KRTDAP: variants seen among roughly 807,000 people sequenced by gnomAD.
KRTDAP encodes the protein keratinocyte differentiation associated protein.
A neutral mutation model predicts 18.6 loss-of-function variants in KRTDAP; 14 were observed. The observed-to-expected ratio is 0.75, with a 90% CI of 0.50 to 1.18. The LOEUF is 1.18. Ranked by LOEUF, KRTDAP falls within the 50% of genes most tolerant of loss-of-function variation. KRTDAP has a pLI of 0.00. For synonymous variants in KRTDAP, 53 were observed against 49.5 expected (o/e 1.07, Z -0.29); for missense variants, 114 against 121.3 (o/e 0.94, Z 0.28).
Position 35,487,458 on chromosome 19 carries a change from T to C in KRTDAP, c.270A>G (p.Gly90=), listed in dbSNP as rs752861711. The C allele has an allele frequency of 1.6e-5, 26 of 1,613,906 alleles. No individual in the cohort carries two copies. The South Asian group carries it at 2.9e-4, about 18-fold the overall frequency. Residue 90 remains glycine, a synonymous_variant, in exon 6 of 6, where the codon GGA becomes GGG. Transcript: ENST00000338897. The part of the protein sequence containing the change: ...LNWDAFPKLK[G]LRSATPDAQ Reference sequence around the variant, plus strand: ...GGGCATCAGGAGTTGCGCTCCTCAGTCCTTTCAGCTAGAGGGAGAGGGGTC... The same window carrying C: ...GGGCATCAGGAGTTGCGCTCCTCAGCCCTTTCAGCTAGAGGGAGAGGGGTC...
chr19:35,489,170 C>T (rs147049831), intron 1 of KRTDAP, among the ~76,000 whole-genome samples: 80 of 152,300 alleles, frequency 5.3e-4, no homozygotes, highest in African/African-American at 1.7e-3. Context: ...GAGACACCCA[C>T]GCTCAGTCCG....
At chr19:35,488,344 C>G in intron 4 of KRTDAP, 97 bp downstream of exon 4, 1 of 1,272,912 alleles carries the variant, frequency 7.9e-7, no homozygotes, top group Admixed American at 2.0e-5. Context: ...TCCCAGAGAT[C>G]AGGAACCAAC....
chr19:35,488,587 A>C (rs1302528391), intron 3 of KRTDAP, 75 bp downstream of exon 3: 12 of 1,609,540 alleles, frequency 7.5e-6, no homozygotes, highest in African/African-American at 1.3e-5. Context: ...GCAGCTTTGC[A>C]AGCTCTCTAC....
At chr19:35,488,569 G>T in intron 3 of KRTDAP, 84 bp from the exon 4 acceptor site, 1 of 1,607,278 alleles carries the variant, frequency 6.2e-7, no homozygotes, top group African/African-American at 1.3e-5. Flanking sequence ...GAAGGTGAAG[G>T]AACCGTGGCA....
chr19:35,487,625 T>C (rs2067498358), intron 5 of KRTDAP, 87 bp downstream of exon 5: 1 of 1,277,960 alleles, frequency 7.8e-7, no homozygotes, highest in Middle Eastern at 1.9e-4. Flanking sequence ...CTGATCCTCC[T>C]TTCCCTGTCC....
intron 1 of KRTDAP, among the ~76,000 whole-genome samples, chr19:35,489,987 G>A (rs181967016): frequency 5.9e-5 from 9 of 152,082 alleles, no homozygotes; most frequent in African/African-American, 7.2e-5. Context: ...TCACATTGCC[G>A]TTCTCCAGTT....
intron 1 of KRTDAP, among the ~76,000 whole-genome samples, chr19:35,489,534 C>T (rs1742815971): frequency 6.6e-6 from 1 of 152,192 alleles, no homozygotes. Context: ...GGCACATCTT[C>T]CCAATCCATG....
At chr19:35,488,183 C>T (rs1025602481) in intron 4 of KRTDAP, among the ~76,000 whole-genome samples, 1 of 152,132 alleles carries the variant, frequency 6.6e-6, no homozygotes, top group Admixed American at 6.5e-5. Flanking sequence ...AAATCTTGAC[C>T]GATTAGCCTC....
chr19:35,487,752 T>C lies in KRTDAP; in HGVS notation c.221A>G (p.Lys74Arg), dbSNP rs1473970764. 1.2e-6 allele frequency: 2 copies of C among 1,612,802 alleles called. No homozygotes were observed. The highest frequency in any genetic ancestry group is 1.7e-5 in the Admixed American group (1 of 60,004). Residue 74 changes from lysine to arginine, a missense_variant, in exon 5 of 6, where the codon AAA (lysine) becomes AGA (arginine). Physicochemically the swap from Lys to Arg is conservative, Grantham distance 26. Coordinates refer to ENST00000338897, the MANE Select transcript of KRTDAP (RefSeq NM_207392.3). Reference sequence around the variant, plus strand: ...CCAGTTGAGGAAAGGAAGTTTCCTTTTGATAGACTAAAAGAAAGAAAGAGA... The same window carrying C: ...CCAGTTGAGGAAAGGAAGTTTCCTTCTGATAGACTAAAAGAAAGAAAGAGA... ...LNWHALFESIKRKLPFLNWDA... is the reference protein window; with the variant it reads ...LNWHALFESIRRKLPFLNWDA...
intron 4 of KRTDAP, among the ~76,000 whole-genome samples, chr19:35,488,129 G>A (rs145703494): frequency 1.1e-4 from 16 of 152,330 alleles, no homozygotes; most frequent in African/African-American, 3.8e-4. Context: ...TTCTAAGTGC[G>A]GGTGGGCCTC....
At chr19:35,487,793 T>C in intron 4 of KRTDAP, 34 bp from the exon 5 acceptor site, 4 of 1,536,166 alleles carry the variant, frequency 2.6e-6, no homozygotes, top group Non-Finnish European at 3.6e-6. Context: ...AGTGATGTGT[T>C]GCAGGTCAGC....
intron 1 of KRTDAP, among the ~76,000 whole-genome samples, chr19:35,489,444 T>G (rs1354309482): frequency 4.6e-5 from 7 of 152,220 alleles, no homozygotes; most frequent in Non-Finnish European, 1.0e-4. Context: ...GTTTTTTGGT[T>G]TGAATTAGAC....
rs1433405804 is a variant in KRTDAP, at chr19:35,488,469, T to C, written c.185A>G (p.Glu62Gly). 1 of 1,613,444 alleles carries C rather than the reference T, an allele frequency of 6.2e-7. No individual in the cohort carries two copies. The highest frequency in any genetic ancestry group is 1.1e-5 in the South Asian group (1 of 90,958). The change falls in exon 4 of 6, where the codon GAG (glutamate) becomes GGG (glycine). Residue 62 changes from glutamate to glycine, a missense_variant. Coordinates refer to ENST00000338897, the MANE Select transcript of KRTDAP (RefSeq NM_207392.3). ...AAAGAGGGCGTGCCAGTTCAGGAAC[T>C]CATCAGCCTTAAACGCCTGAGGAGG... ...DKLRSAFKAD[E>G]FLNWHALFES...
At position 35,490,389 on chromosome 19, in the gene KRTDAP, G is replaced by C. The variant is rs770669430; in HGVS notation, c.54C>G (p.His18Gln). Residue 18 changes from histidine (H) to glutamine (Q), a missense_variant, in exon 1 of 6, where the codon CAC becomes CAG. His to Gln is a conservative substitution (Grantham distance 24). Transcript: ENST00000338897. ...AVVLLSLLVL[H>Q]SAQGATLGGP... is the part of the protein sequence containing the mutation. ...CACCCAGGGTGGCTCCCTGGGCAGA[G>C]TGGAGCACCAGGAGGGAGAGGAGCA... The C allele has an allele frequency of 1.7e-5, 28 of 1,613,758 alleles. No individual in the cohort carries two copies. The highest frequency in any genetic ancestry group is 1.7e-4 in the Middle Eastern group (1 of 6,018).
At chr19:35,489,181 T>C (rs1488580474) in intron 1 of KRTDAP, among the ~76,000 whole-genome samples, 2 of 152,184 alleles carry the variant, frequency 1.3e-5, no homozygotes, top group African/African-American at 4.8e-5. Flanking sequence ...GCTCAGTCCG[T>C]ATAGCTGGAT....
At position 35,487,469 on chromosome 19, in the gene KRTDAP, AGAGG is replaced by A; in HGVS notation, c.262-7_262-4del. 6.2e-7 allele frequency: 1 copy of A among 1,613,830 alleles called. No homozygotes were observed. The highest frequency in any genetic ancestry group is 8.5e-7 in the Non-Finnish European group (1 of 1,179,732). On this transcript the variant is annotated splice_polypyrimidine_tract_variant and splice_region_variant and intron_variant, in intron 5 of 5. Transcript: ENST00000338897. ...GTTGCGCTCCTCAGTCCTTTCAGCT[AGAGG>A]GAGAGGGGTCAGGGTTAGATGGGGA...
In KRTDAP at chr19:35,488,499, G is replaced by A; in HGVS notation, c.169-14C>T. 6.2e-7 allele frequency: 1 copy of A among 1,613,918 alleles called. No homozygotes were observed. Among genetic ancestry groups the A allele is most frequent in the Non-Finnish European group, 8.5e-7 (1 of 1,179,890 alleles). On this transcript the variant is annotated splice_polypyrimidine_tract_variant and intron_variant, in intron 3 of 5. Transcript: ENST00000338897. ...AGCCTTAAACGCCTGAGGAGGAAGA[G>A]AGACAGCAGAAGCAGGTCAGCTCCA...
In KRTDAP at chr19:35,490,445, C is replaced by A; in HGVS notation, c.-3G>T. 1 of 1,610,112 alleles carries A rather than the reference C, an allele frequency of 6.2e-7. No homozygotes were observed. On this transcript the variant is annotated 5_prime_UTR_variant, in exon 1 of 6. Transcript: ENST00000338897. ...GCAGGAAGGACCGGGATCTTCATGG[C>A]GTCAAGTTTGGGGTGCTCTGAGGCG...
intron 1 of KRTDAP, among the ~76,000 whole-genome samples, chr19:35,489,171 G>A (rs1338886987): frequency 6.6e-6 from 1 of 152,180 alleles, no homozygotes; most frequent in Admixed American, 6.5e-5. Context: ...AGACACCCAC[G>A]CTCAGTCCGT....
Sources: gnomAD v4.1 joint callset for allele counts (sites outside exome capture counted in the v4.1 genomes callset) on GRCh38, gnomAD v4.1.1 for gene constraint, MANE v1.5 for transcripts, NCBI Gene and HGNC (gene_info 2026-07-23, HGNC 2026-07-21) for gene names.